Variants in BAZ1A observed in about 807,000 individuals in gnomAD.
BAZ1A encodes the protein bromodomain adjacent to zinc finger domain protein 1A.
In BAZ1A, 50 loss-of-function variants were observed where a neutral mutation model predicts 185.2. The observed-to-expected ratio is 0.27, with a 90% CI of 0.22 to 0.34. The LOEUF (loss-of-function observed/expected upper bound fraction) is 0.34, where lower values mean the gene tolerates loss of function less well. Ranked by LOEUF, BAZ1A falls within the 10% of genes least tolerant of loss-of-function variation. The pLI is 1.00. For missense variants in BAZ1A, 1,356 were observed against 1,839.9 expected, an observed-to-expected ratio of 0.74 and a Z score of 4.81; for synonymous variants, 571 against 615.6, an observed-to-expected ratio of 0.93 and a Z score of 1.07.
At chr14:34,771,277 G>T (rs1879199730) in intron 21 of BAZ1A, 1 of 399,448 alleles carries the variant, frequency 2.5e-6, no homozygotes, top group Non-Finnish European at 4.4e-6. Context: ...GGGATTACAG[G>T]CATGAGCCAC....
At chr14:34,830,814 T>C (rs1334236490) in intron 3 of BAZ1A, among the ~76,000 whole-genome samples, 1 of 146,472 alleles carries the variant, frequency 6.8e-6, no homozygotes, top group African/African-American at 2.6e-5. Flanking sequence ...CCCCAGGCAG[T>C]GTGCAATCTC....
chr14:34,859,001 A>T (rs1055740472), intron 3 of BAZ1A, among the ~76,000 whole-genome samples: 3 of 152,232 alleles, frequency 2.0e-5, no homozygotes, highest in Admixed American at 6.5e-5. Flanking sequence ...CCATTAATCC[A>T]TAACACCTAA....
chr14:34,798,104 T>C (rs372193113), intron 9 of BAZ1A, among the ~76,000 whole-genome samples: 23 of 152,234 alleles, frequency 1.5e-4, no homozygotes, highest in African/African-American at 5.5e-4. Context: ...TGCGAGGCAG[T>C]AGCCTGGCAG....
At position 34,874,138 on chromosome 14, in the gene BAZ1A, C is replaced by A. The variant is rs2042999905; in HGVS notation, c.113+354G>T. 1.3e-5 allele frequency among the ~76,000 whole-genome samples: 2 copies of A among 152,062 alleles called. No homozygotes were observed. Among genetic ancestry groups the A allele is most frequent in the South Asian group, 4.1e-4 (2 of 4,834 alleles). ...CCGGGAGGGGATCCCGGAACTGGCCCCGGAGTGCGCGTGTGGCCGCGGCGG... is the reference window on the plus strand; with the variant it reads ...CCGGGAGGGGATCCCGGAACTGGCCACGGAGTGCGCGTGTGGCCGCGGCGG... On this transcript the variant is annotated intron_variant, in intron 2 of 26. Transcript: ENST00000360310. The surrounding 1 kb of genome is among the most constrained non-coding windows in gnomAD (Gnocchi z 4.7).
At chr14:34,825,959 G>T in intron 4 of BAZ1A, 54 bp downstream of exon 4, 2 of 1,453,756 alleles carry the variant, frequency 1.4e-6, no homozygotes, top group South Asian at 2.7e-5. Flanking sequence ...TATTTCAATG[G>T]AATATCATTA....
intron 4 of BAZ1A, among the ~76,000 whole-genome samples, chr14:34,811,360 C>T (rs1456337076): frequency 2.0e-5 from 3 of 152,128 alleles, no homozygotes; most frequent in African/African-American, 7.2e-5. Flanking sequence ...AGGCTGGTCT[C>T]GAACTACTGA....
chr14:34,855,017 T>C (rs992296245), intron 3 of BAZ1A, among the ~76,000 whole-genome samples: 2 of 152,142 alleles, frequency 1.3e-5, no homozygotes, highest in Non-Finnish European at 2.9e-5. Context: ...AGGCGGAGGT[T>C]GCAGTGAGCT....
intron 4 of BAZ1A, among the ~76,000 whole-genome samples, chr14:34,817,895 T>C (rs2042030905): frequency 6.6e-6 from 1 of 152,174 alleles, no homozygotes; most frequent in Non-Finnish European, 1.5e-5. Context: ...CAGGTGAGAA[T>C]GTAAAGTGGC....
chr14:34,767,618 G>A (rs1213160538), intron 21 of BAZ1A, among the ~76,000 whole-genome samples: 2 of 152,166 alleles, frequency 1.3e-5, no homozygotes, highest in Non-Finnish European at 2.9e-5. Flanking sequence ...CCCTGTCATT[G>A]TGAGCGTTTT....
intron 20 of BAZ1A, among the ~76,000 whole-genome samples, chr14:34,773,365 G>T (rs1288542605): frequency 6.6e-6 from 1 of 151,752 alleles, no homozygotes; most frequent in African/African-American, 2.4e-5. Context: ...CGAATGAATT[G>T]TTTTTTGGTT....
intron 24 of BAZ1A, among the ~76,000 whole-genome samples, chr14:34,761,028 C>A (rs1239555207): frequency 6.6e-6 from 1 of 151,990 alleles, no homozygotes; most frequent in African/African-American, 2.4e-5. Flanking sequence ...CCTATAATCC[C>A]AGTACTTTGG....
chr14:34,777,757 C>T (rs539639594), intron 17 of BAZ1A, among the ~76,000 whole-genome samples: 1 of 151,998 alleles, frequency 6.6e-6, no homozygotes, highest in Non-Finnish European at 1.5e-5. Flanking sequence ...TTTGGGAGGC[C>T]GAGGTGGCTG....
At chr14:34,830,769 C>CT (rs1296749026) in intron 3 of BAZ1A, among the ~76,000 whole-genome samples, 3,526 of 128,410 alleles carry the variant, frequency 0.027, 97 homozygotes, top group Middle Eastern at 0.051. Flanking sequence ...TCTACAACTC[C>CT]TTTTTTTTTT....
Position 34,773,562 on chromosome 14 carries a change from C to G in BAZ1A, c.3152+10G>C. 6.6e-7 allele frequency: 1 copy of G among 1,508,608 alleles called. No homozygotes were observed. The highest frequency in any genetic ancestry group is 1.9e-4 in the Middle Eastern group (1 of 5,222). The allele number at this position is 1,508,608 out of a possible 1,614,324, so 93.5% of individuals were successfully genotyped here. A position where few individuals can be genotyped will look rare whatever the true frequency, so the allele number is the denominator to read the frequency against. Reference sequence around the variant, plus strand: ...AAAGTAATGGTTACTTTAGAAAAATCTTTTTGTACCTGTCTTTTACTATGA... The same window carrying G: ...AAAGTAATGGTTACTTTAGAAAAATGTTTTTGTACCTGTCTTTTACTATGA... On this transcript the variant is annotated intron_variant, in intron 20 of 26. Coordinates refer to ENST00000360310, the MANE Select transcript of BAZ1A (RefSeq NM_013448.3).
At position 34,762,038 on chromosome 14, in the gene BAZ1A, G is replaced by A. The variant is rs201288556; in HGVS notation, c.3962C>T (p.Ala1321Val). ...TAAAGATTTTGTTTCTGTAGGAGGAGCAGAGTTTATCTTTCTTAGGCTTCT... is the reference window on the plus strand; with the variant it reads ...TAAAGATTTTGTTTCTGTAGGAGGAACAGAGTTTATCTTTCTTAGGCTTCT... ...TGRSLRKINSAPPTETKSLRI... is the reference protein window; with the variant it reads ...TGRSLRKINSVPPTETKSLRI... The change falls in exon 24 of 27, where the codon GCT becomes GTT. Residue 1321 changes from alanine (A) to valine (V), a missense_variant. Transcript: ENST00000360310. 3.9e-5 allele frequency: 63 copies of A among 1,614,208 alleles called. No homozygotes were observed. The highest frequency in any genetic ancestry group is 5.3e-5 in the Non-Finnish European group (62 of 1,180,046).
At chr14:34,769,221 G>C (rs1253466811) in intron 21 of BAZ1A, among the ~76,000 whole-genome samples, 1 of 151,966 alleles carries the variant, frequency 6.6e-6, no homozygotes, top group Non-Finnish European at 1.5e-5. Flanking sequence ...ATTTCAGATA[G>C]CCTATCTCCA....
intron 23 of BAZ1A, among the ~76,000 whole-genome samples, chr14:34,763,099 T>C (rs1016978259): frequency 1.1e-4 from 17 of 152,198 alleles, no homozygotes; most frequent in African/African-American, 4.1e-4. Context: ...TATTTAATCT[T>C]TTAACTGTCC....
rs963086122 is a variant in BAZ1A at position 34,811,402 on chromosome 14, A to C, written c.537-366T>G. ...GTGATCTGCCTACCTTGGCCTCCCA[A>C]AGTGCAGGGATTACAGGCATGAGAC... is the stretch of plus-strand genomic sequence containing the variant. On this transcript the variant is annotated intron_variant, in intron 4 of 26. Coordinates refer to ENST00000360310, the MANE Select transcript of BAZ1A (RefSeq NM_013448.3). 3.3e-5 allele frequency among the ~76,000 whole-genome samples: 5 copies of C among 152,168 alleles called. No individual in the cohort carries two copies. In the East Asian group the frequency reaches 9.6e-4, roughly 29 times the overall value.
intron 21 of BAZ1A, chr14:34,768,799 A>G (rs1169846198): frequency 5.0e-6 from 2 of 403,924 alleles, no homozygotes; most frequent in Non-Finnish European, 9.6e-6. Flanking sequence ...AAACTGATAT[A>G]GTTAGTTGAA....
Sources: gnomAD v4.1 joint callset for allele counts (sites outside exome capture counted in the v4.1 genomes callset) on GRCh38, gnomAD v4.1.1 for gene constraint, Gnocchi (gnomAD v3.1) non-coding constraint, MANE v1.5 for transcripts, NCBI Gene and HGNC (gene_info 2026-07-23, HGNC 2026-07-21) for gene names.